SOCS6: variants seen among roughly 807,000 people sequenced by gnomAD.
SOCS6 encodes STAT induced STAT inhibitor-4.
A neutral mutation model predicts 27.7 loss-of-function variants in SOCS6; 5 were observed. That is an observed-to-expected ratio of 0.18 (90% confidence interval 0.09 to 0.38). The LOEUF (loss-of-function observed/expected upper bound fraction) is 0.38, where lower values mean the gene tolerates loss of function less well. Among genes scored for constraint, SOCS6 ranks in the 10% least tolerant of loss-of-function variants. The pLI is 1.00. For missense variants in SOCS6, 595 were observed against 688.1 expected, an observed-to-expected ratio of 0.86 and a Z score of 1.51; for synonymous variants, 271 against 260.0, an observed-to-expected ratio of 1.04 and a Z score of -0.41.
intron 1 of SOCS6, among the ~76,000 whole-genome samples, chr18:70,291,349 C>T (rs998105127): frequency 1.3e-5 from 2 of 152,124 alleles, no homozygotes; most frequent in Non-Finnish European, 2.9e-5. Flanking sequence ...ATCCTCTCAC[C>T]TCAGCCTCCC....
chr18:70,323,088 G>A (rs767189724), intron 1 of SOCS6, among the ~76,000 whole-genome samples: 17 of 152,208 alleles, frequency 1.1e-4, no homozygotes, highest in Non-Finnish European at 2.1e-4. Flanking sequence ...TAAAGGCAGA[G>A]TGAATTCATG....
At chr18:70,296,179 G>A (rs1425692763) in intron 1 of SOCS6, among the ~76,000 whole-genome samples, 2 of 152,180 alleles carry the variant, frequency 1.3e-5, no homozygotes, top group Admixed American at 1.3e-4. Context: ...AAAGGTGATG[G>A]GGAAGATGAC....
At position 70,328,682 on chromosome 18, in the gene SOCS6, A is replaced by G. The variant is rs1911302315; in HGVS notation, c.*2406A>G. The G allele has an allele frequency of 1.2e-5, 2 of 166,866 alleles. No homozygotes were observed. The highest frequency in any genetic ancestry group is 2.4e-5 in the African/African-American group (1 of 41,396). The allele number at this position is 166,866 out of a possible 1,614,324, so 10.3% of individuals were successfully genotyped here. A position where few individuals can be genotyped will look rare whatever the true frequency, so the allele number is the denominator to read the frequency against. ...GATAGTATAATGATAAAATCAAACT[A>G]TTTGCCAAAAAGTTAAATTTACAAG... On this transcript the variant is annotated 3_prime_UTR_variant, in exon 2 of 2. Coordinates refer to ENST00000397942, the MANE Select transcript of SOCS6 (RefSeq NM_004232.4).
At chr18:70,319,645 A>C (rs572113243) in intron 1 of SOCS6, among the ~76,000 whole-genome samples, 1 of 151,138 alleles carries the variant, frequency 6.6e-6, no homozygotes, top group Non-Finnish European at 1.5e-5. Context: ...GGTTATACTT[A>C]CGGATGCCAT....
intron 1 of SOCS6, among the ~76,000 whole-genome samples, chr18:70,323,147 C>T (rs1317331028): frequency 6.6e-6 from 1 of 152,108 alleles, no homozygotes; most frequent in Non-Finnish European, 1.5e-5. Flanking sequence ...AACTGAGTGG[C>T]GCTAAACTGC....
At chr18:70,303,597 C>T (rs142301214) in intron 1 of SOCS6, among the ~76,000 whole-genome samples, 73 of 152,164 alleles carry the variant, frequency 4.8e-4, no homozygotes, top group African/African-American at 1.5e-3. Context: ...AGTTTGACAC[C>T]AGCCTGGCTA....
At chr18:70,308,729 G>C (rs1237270537) in intron 1 of SOCS6, among the ~76,000 whole-genome samples, 1 of 152,110 alleles carries the variant, frequency 6.6e-6, no homozygotes, top group Non-Finnish European at 1.5e-5. Flanking sequence ...TTTGCTTTAT[G>C]TATTTTGGGG....
At chr18:70,294,114 T>C (rs1174333355) in intron 1 of SOCS6, among the ~76,000 whole-genome samples, 2 of 149,036 alleles carry the variant, frequency 1.3e-5, no homozygotes, top group East Asian at 3.9e-4. Context: ...AGAAAGAAAA[T>C]GGAATGAGAT....
At chr18:70,310,996 CAT>C (rs2062388633) in intron 1 of SOCS6, among the ~76,000 whole-genome samples, 1 of 152,150 alleles carries the variant, frequency 6.6e-6, no homozygotes, top group South Asian at 2.1e-4. Flanking sequence ...AGAAGTTAAA[CAT>C]AACATTTGTT....
Position 70,325,286 on chromosome 18 carries a change from T to C in SOCS6, c.618T>C (p.Asp206=). Residue 206 remains aspartate, a synonymous_variant, in exon 2 of 2, where the codon GAT becomes GAC. Transcript: ENST00000397942. This position sits in a 1 kb window ranked among gnomAD's most constrained non-coding sequence, Gnocchi z 6.3. Reference sequence around the variant, plus strand: ...ATGGAGACCTGCATCTTCACCTGGATGAACATGTGCCTGTCGTTATTGGAC... The same window carrying C: ...ATGGAGACCTGCATCTTCACCTGGACGAACATGTGCCTGTCGTTATTGGAC... The part of the protein sequence containing the change: ...SHNGDLHLHL[D]EHVPVVIGLM... The C allele has an allele frequency of 6.2e-7, 1 of 1,614,240 alleles. No homozygotes were observed. The highest frequency in any genetic ancestry group is 8.5e-7 in the Non-Finnish European group (1 of 1,180,040).
rs563157973 is a variant in SOCS6 at position 70,296,659 on chromosome 18, C to T, written c.-127+7569C>T. The T allele has an allele frequency of 3.3e-5, 5 of 152,354 alleles. No individual in the cohort carries two copies. The East Asian group carries it at 9.6e-4, about 29-fold the overall frequency. 9.4% of individuals were successfully genotyped at this position (152,354 alleles called of 1,614,324 possible). On this transcript the variant is annotated intron_variant, in intron 1 of 1. Transcript: ENST00000397942. ...GGTTTTCAGTGTTACTGTTAAGTCA[C>T]ATGCCGCCAGTTTCCCAGGCAGTTG...
In SOCS6 at chr18:70,325,039, C is replaced by A; in HGVS notation, c.371C>A (p.Ser124Tyr). ...KDVRAQRPIR[S>Y]TSLRSHHYSP... is the part of the protein sequence containing the mutation. The stretch of plus-strand genomic sequence containing the variant: ...GTGAGAGCTCAGAGGCCGATAAGGT[C>A]CACGTCGCTCCGCAGCCATCACTAC... Residue 124 changes from serine (S) to tyrosine (Y), a missense_variant, in exon 2 of 2, where the codon TCC (serine) becomes TAC (tyrosine). Ser to Tyr is a moderately radical substitution (Grantham distance 144, BLOSUM62 -2). Coordinates refer to ENST00000397942, the MANE Select transcript of SOCS6 (RefSeq NM_004232.4). The surrounding 1 kb of genome is among the most constrained non-coding windows in gnomAD (Gnocchi z 6.3). 6.2e-7 allele frequency: 1 copy of A among 1,614,154 alleles called. No individual in the cohort carries two copies. The highest frequency in any genetic ancestry group is 1.1e-5 in the South Asian group (1 of 91,078).
At position 70,317,927 on chromosome 18, in the gene SOCS6, C is replaced by T. The variant is rs540437718; in HGVS notation, c.-126-6616C>T. On this transcript the variant is annotated intron_variant, in intron 1 of 1. Transcript: ENST00000397942. ...GGGTGTGCATGGTGTGATCTTGGCT[C>T]ACTGCAACCTCTGCCTCCAGGGTTC... Among the ~76,000 whole-genome samples the T allele has an allele frequency of 2.0e-3, 311 of 152,272 alleles. 2 individuals are homozygous for T. The highest frequency in any genetic ancestry group is 3.1e-3 in the Non-Finnish European group (211 of 68,028).
In SOCS6 at chr18:70,328,143, C is replaced by T. The variant is rs1032664009; in HGVS notation, c.*1867C>T. The T allele has an allele frequency of 6.0e-6, 1 of 166,480 alleles. No individual in the cohort carries two copies. The highest frequency in any genetic ancestry group is 1.5e-5 in the Non-Finnish European group (1 of 68,100). The allele number at this position is 166,480 out of a possible 1,614,324, so 10.3% of individuals were successfully genotyped here. On this transcript the variant is annotated 3_prime_UTR_variant, in exon 2 of 2. Coordinates refer to ENST00000397942, the MANE Select transcript of SOCS6 (RefSeq NM_004232.4). ...CATTATAAGCTATTTGGATTAAGAACTATTGCAGAGTTGTAAGCTTGTTAT... is the reference window on the plus strand; with the variant it reads ...CATTATAAGCTATTTGGATTAAGAATTATTGCAGAGTTGTAAGCTTGTTAT...
chr18:70,307,458 A>T (rs929681753), intron 1 of SOCS6, among the ~76,000 whole-genome samples: 1 of 152,208 alleles, frequency 6.6e-6, no homozygotes, highest in Non-Finnish European at 1.5e-5. Flanking sequence ...GGAATTTACC[A>T]GTGAAGCCAC....
At chr18:70,294,708 A>G (rs2062315897) in intron 1 of SOCS6, among the ~76,000 whole-genome samples, 1 of 152,188 alleles carries the variant, frequency 6.6e-6, no homozygotes, top group Admixed American at 6.5e-5. Context: ...CTAGACTGGT[A>G]AGGATTACAG....
intron 1 of SOCS6, among the ~76,000 whole-genome samples, chr18:70,299,122 T>G (rs1199167778): frequency 6.6e-6 from 1 of 151,690 alleles, no homozygotes; most frequent in Admixed American, 6.6e-5. Context: ...CCCTCCGTCT[T>G]AAAAACAAAA....
chr18:70,309,476 A>AT (rs912029584), intron 1 of SOCS6, among the ~76,000 whole-genome samples: 1 of 152,024 alleles, frequency 6.6e-6, no homozygotes, highest in African/African-American at 2.4e-5. Context: ...TTAAGTGCAT[A>AT]TTTTTTGGTG....
intron 1 of SOCS6, among the ~76,000 whole-genome samples, chr18:70,321,312 G>GTTTT (rs763120236): frequency 0.061 from 4,167 of 68,656 alleles, 887 homozygotes; most frequent in East Asian, 0.2. Context: ...AATTTTCTCA[G>GTTTT]TTTTTTTTTT....
Sources: gnomAD v4.1 joint callset for allele counts (sites outside exome capture counted in the v4.1 genomes callset) on GRCh38, gnomAD v4.1.1 for gene constraint, Gnocchi (gnomAD v3.1) non-coding constraint, MANE v1.5 for transcripts, NCBI Gene and HGNC (gene_info 2026-07-23, HGNC 2026-07-21) for gene names.